Variants in RC3H1 observed in about 807,000 individuals in gnomAD.
The protein encoded by RC3H1 is ring finger and CCCH-type domains 1.
In RC3H1, 50 loss-of-function variants were observed where a neutral mutation model predicts 138.2. The ratio of observed to expected loss-of-function variants is 0.36; its 90% CI spans 0.29 to 0.46. The LOEUF is 0.46. RC3H1 is among the 20% of genes least tolerant of loss of function. The pLI is 1.00. For synonymous variants in RC3H1, 462 were observed against 489.1 expected (o/e 0.94, Z 0.73); for missense variants, 1,031 against 1,388.1 (o/e 0.74, Z 4.09).
At chr1:173,994,325 G>A (rs889479543) in intron 1 of RC3H1, among the ~76,000 whole-genome samples, 1 of 151,978 alleles carries the variant, frequency 6.6e-6, no homozygotes, top group African/African-American at 2.4e-5. Flanking sequence ...CCCAGGAGGT[G>A]GAGGTTGCGG....
chr1:173,950,098 T>G (rs1245074777), intron 14 of RC3H1, among the ~76,000 whole-genome samples: 1 of 151,708 alleles, frequency 6.6e-6, no homozygotes, highest in Non-Finnish European at 1.5e-5. Context: ...GAACCCAGAA[T>G]GCAGAGGTTG....
chr1:174,003,421 G>A (rs886979775), intron 1 of RC3H1, among the ~76,000 whole-genome samples: 15 of 120,458 alleles, frequency 1.2e-4, no homozygotes, highest in East Asian at 6.7e-4. Context: ...ACACACACAC[G>A]TACGGGGAAT....
At chr1:174,005,319 T>A (rs944259120) in intron 1 of RC3H1, among the ~76,000 whole-genome samples, 14 of 152,182 alleles carry the variant, frequency 9.2e-5, no homozygotes, top group African/African-American at 3.1e-4. Flanking sequence ...ACTACCAAAC[T>A]AAACTCAGTC....
intron 9 of RC3H1, among the ~76,000 whole-genome samples, chr1:173,966,675 A>T (rs1660132432): frequency 6.6e-6 from 1 of 152,014 alleles, no homozygotes; most frequent in African/African-American, 2.4e-5. Context: ...AGATTGTGCC[A>T]CTGCACTCCA....
intron 7 of RC3H1, among the ~76,000 whole-genome samples, chr1:173,975,471 T>C (rs1251181233): frequency 6.6e-6 from 1 of 152,208 alleles, no homozygotes; most frequent in Non-Finnish European, 1.5e-5. Context: ...AGACTATCAA[T>C]TGTAATACGT....
At position 173,933,959 on chromosome 1, in the gene RC3H1, T is replaced by C. The variant is rs554956295; in HGVS notation, c.*4762A>G. 2 of 152,130 alleles carry C rather than the reference T, an allele frequency of 1.3e-5. No individual in the cohort carries two copies. The highest frequency in any genetic ancestry group is 2.9e-5 in the Non-Finnish European group (2 of 68,022). 9.4% of individuals were successfully genotyped at this position (152,130 alleles called of 1,614,324 possible). On this transcript the variant is annotated 3_prime_UTR_variant, in exon 20 of 20. Coordinates refer to ENST00000367696, the MANE Select transcript of RC3H1 (RefSeq NM_172071.4). ...TTAGACTCTTATTAGGGGGAAAAAA[T>C]CTAAGTAAACACTGCAGTTAATTTC...
intron 5 of RC3H1, among the ~76,000 whole-genome samples, 161 bp from the exon 6 acceptor site, chr1:173,981,170 T>G (rs1660799335): frequency 6.6e-6 from 1 of 152,242 alleles, no homozygotes. Flanking sequence ...TTGAGGTAGG[T>G]ATATTGCTAT....
chr1:174,007,393 A>C (rs910113409), intron 1 of RC3H1, among the ~76,000 whole-genome samples: 1 of 152,048 alleles, frequency 6.6e-6, no homozygotes, highest in African/African-American at 2.4e-5. Flanking sequence ...CCATCTCAAA[A>C]AAAAAAAAAA....
intron 13 of RC3H1, 72 bp from the exon 14 acceptor site, chr1:173,952,210 A>G: frequency 9.0e-7 from 1 of 1,115,092 alleles, no homozygotes; most frequent in Non-Finnish European, 1.2e-6. Context: ...TGGGTCTATG[A>G]GTAACAAGAC....
In RC3H1 at chr1:173,963,954, A is replaced by T; in HGVS notation, c.1831+19T>A. 1 of 1,602,096 alleles carries T rather than the reference A, an allele frequency of 6.2e-7. No homozygotes were observed. The highest frequency in any genetic ancestry group is 8.5e-7 in the Non-Finnish European group (1 of 1,170,216). On this transcript the variant is annotated intron_variant, in intron 11 of 19. Coordinates refer to ENST00000367696, the MANE Select transcript of RC3H1 (RefSeq NM_172071.4). ...ATAATTCCTAAGAAAAGTTAGCAAT[A>T]TAAATTTAAAATCGTTACCCTGCTG...
At chr1:173,988,718 T>C (rs1661139061) in intron 2 of RC3H1, among the ~76,000 whole-genome samples, 1 of 152,268 alleles carries the variant, frequency 6.6e-6, no homozygotes, top group Non-Finnish European at 1.5e-5. Context: ...TTGGTGTTGC[T>C]AATGTTTTGG....
chr1:173,937,804 G>A lies in RC3H1; in HGVS notation c.*917C>T, dbSNP rs991522185. The A allele has an allele frequency of 6.6e-6, 1 of 152,148 alleles. No individual in the cohort carries two copies. Among genetic ancestry groups the A allele is most frequent in the Non-Finnish European group, 1.5e-5 (1 of 68,038 alleles). 9.4% of individuals were successfully genotyped at this position (152,148 alleles called of 1,614,324 possible). On this transcript the variant is annotated 3_prime_UTR_variant, in exon 20 of 20. Coordinates refer to ENST00000367696, the MANE Select transcript of RC3H1 (RefSeq NM_172071.4). ...TCCTTGTTTTTTAGCATCCTATGATGTCAGCAAAAGTTTAATTTGAAAAGC... is the reference window on the plus strand; with the variant it reads ...TCCTTGTTTTTTAGCATCCTATGATATCAGCAAAAGTTTAATTTGAAAAGC...
chr1:173,945,474 G>A (rs1659093927), intron 17 of RC3H1, among the ~76,000 whole-genome samples: 2 of 152,102 alleles, frequency 1.3e-5, no homozygotes, highest in South Asian at 4.1e-4. Context: ...CAGGCAGCAT[G>A]ATGGAAAGAA....
chr1:174,013,331 G>A (rs796917762), intron 1 of RC3H1, among the ~76,000 whole-genome samples: 1 of 152,004 alleles, frequency 6.6e-6, no homozygotes, highest in Non-Finnish European at 1.5e-5. Context: ...TTCCAATATG[G>A]TAGCCACTAG....
chr1:173,981,021 C>A lies in RC3H1; in HGVS notation c.769-12G>T, dbSNP rs746387216. On this transcript the variant is annotated splice_polypyrimidine_tract_variant and intron_variant, in intron 5 of 19. Coordinates refer to ENST00000367696, the MANE Select transcript of RC3H1 (RefSeq NM_172071.4). ...TCACGTTTGGTGACCTAATAAGACACAAATAATCTCATAATGAAGTCAAAA... is the reference window on the plus strand; with the variant it reads ...TCACGTTTGGTGACCTAATAAGACAAAAATAATCTCATAATGAAGTCAAAA... 3.1e-6 allele frequency: 5 copies of A among 1,607,126 alleles called. No individual in the cohort carries two copies. Among genetic ancestry groups the A allele is most frequent in the Non-Finnish European group, 4.3e-6 (5 of 1,175,602 alleles).
In RC3H1 at chr1:173,945,885, T is replaced by G. The variant is rs577881565; in HGVS notation, c.2961+591A>C. ...ACCATGCCCGGCTAATTTTTTGTATTTTTAGTAGACACGGGGTTTCACTAT... is the reference window on the plus strand; with the variant it reads ...ACCATGCCCGGCTAATTTTTTGTATGTTTAGTAGACACGGGGTTTCACTAT... On this transcript the variant is annotated intron_variant, in intron 17 of 19. Coordinates refer to ENST00000367696, the MANE Select transcript of RC3H1 (RefSeq NM_172071.4). 2.6e-5 allele frequency among the ~76,000 whole-genome samples: 4 copies of G among 152,164 alleles called. No individual in the cohort carries two copies. The South Asian group carries it at 8.3e-4, about 32-fold the overall frequency.
At chr1:173,961,437 T>G (rs888985605) in intron 12 of RC3H1, among the ~76,000 whole-genome samples, 193 bp from the exon 13 acceptor site, 2 of 152,104 alleles carry the variant, frequency 1.3e-5, no homozygotes, top group African/African-American at 4.8e-5. Flanking sequence ...TAGCTAAATT[T>G]AGGTTTCTTT....
Position 173,978,637 on chromosome 1 carries a change from G to A in RC3H1, c.970-17C>T, listed in dbSNP as rs947648278. On this transcript the variant is annotated splice_polypyrimidine_tract_variant and intron_variant, in intron 6 of 19. Coordinates refer to ENST00000367696, the MANE Select transcript of RC3H1 (RefSeq NM_172071.4). ...AGTCTGCAACTTAAAAAAGATAAAT[G>A]TTAACTTTCCCAAAGGTCAGATAAT... 5 of 1,597,528 alleles carry A rather than the reference G, an allele frequency of 3.1e-6. No individual in the cohort carries two copies. The highest frequency in any genetic ancestry group is 4.3e-6 in the Non-Finnish European group (5 of 1,172,026).
At position 173,964,000 on chromosome 1, in the gene RC3H1, G is replaced by C; in HGVS notation, c.1804C>G (p.Pro602Ala). The change falls in exon 11 of 20, where the codon CCA becomes GCA. Residue 602 changes from proline (P) to alanine (A), a missense_variant. Coordinates refer to ENST00000367696, the MANE Select transcript of RC3H1 (RefSeq NM_172071.4). ...YYQDPRGAAP[P>A]FEPAPYQQGM... Reference sequence around the variant, plus strand: ...TGCTGATAAGGTGCTGGTTCAAATGGCGGAGCTGCTCCTCGAGGATCCTGA... The same window carrying C: ...TGCTGATAAGGTGCTGGTTCAAATGCCGGAGCTGCTCCTCGAGGATCCTGA... The C allele has an allele frequency of 6.2e-7, 1 of 1,614,076 alleles. No homozygotes were observed.
Sources: gnomAD v4.1 joint callset for allele counts (sites outside exome capture counted in the v4.1 genomes callset) on GRCh38, gnomAD v4.1.1 for gene constraint, MANE v1.5 for transcripts, NCBI Gene and HGNC (gene_info 2026-07-23, HGNC 2026-07-21) for gene names.